The following SYT1 variants were observed in gnomAD, a reference collection of about 807,000 sequenced individuals.
SYT1 encodes the protein synaptotagmin-1.
Under a neutral mutation model 44.8 loss-of-function variants are expected in SYT1, and 8 were observed. The ratio of observed to expected loss-of-function variants is 0.18; its 90% CI spans 0.10 to 0.32. The LOEUF is 0.32. Ranked by LOEUF, SYT1 falls within the 10% of genes least tolerant of loss-of-function variation. The pLI, the probability that SYT1 is intolerant of heterozygous loss-of-function variation, is 1.00. For synonymous variants in SYT1, 154 were observed against 188.8 expected (o/e 0.82, Z 1.51); for missense variants, 286 against 509.3 (o/e 0.56, Z 4.22).
intron 1 of SYT1, among the ~76,000 whole-genome samples, chr12:78,913,791 T>C (rs944815586): frequency 6.6e-6 from 1 of 151,890 alleles, no homozygotes; most frequent in Non-Finnish European, 1.5e-5. Flanking sequence ...ACCAGTGATA[T>C]AGATGGTGAA....
chr12:79,343,506 A>G (rs540951223), intron 8 of SYT1, among the ~76,000 whole-genome samples: 32 of 152,304 alleles, frequency 2.1e-4, no homozygotes, highest in Non-Finnish European at 4.3e-4. Flanking sequence ...GAGAAAGTAC[A>G]TTGCCTGAGG....
intron 4 of SYT1, among the ~76,000 whole-genome samples, chr12:79,261,438 A>G (rs1877825440): frequency 6.6e-6 from 1 of 152,186 alleles, no homozygotes; most frequent in Admixed American, 6.5e-5. Context: ...ATACTGGATT[A>G]ACTTTAATCA....
chr12:79,160,725 G>T (rs909134028), intron 3 of SYT1, among the ~76,000 whole-genome samples: 1 of 152,136 alleles, frequency 6.6e-6, no homozygotes, highest in Non-Finnish European at 1.5e-5. Flanking sequence ...TATTTCTGGA[G>T]ATGGGGCAAA....
At chr12:79,152,527 G>A (rs904505723) in intron 3 of SYT1, among the ~76,000 whole-genome samples, 1 of 151,954 alleles carries the variant, frequency 6.6e-6, no homozygotes, top group African/African-American at 2.4e-5. Context: ...TATGAGAGAG[G>A]AATTATCTGT....
intron 3 of SYT1, among the ~76,000 whole-genome samples, chr12:79,160,202 C>G (rs1312921880): frequency 6.6e-6 from 1 of 151,932 alleles, no homozygotes; most frequent in Non-Finnish European, 1.5e-5. Context: ...TCTTTAAGAC[C>G]AAAAGGGCAA....
At chr12:79,083,175 C>T (rs1469901008) in intron 3 of SYT1, among the ~76,000 whole-genome samples, 7 of 151,898 alleles carry the variant, frequency 4.6e-5, no homozygotes, top group South Asian at 2.1e-4. Context: ...ATATATCAAA[C>T]GTTAAAGCTC....
At chr12:79,063,054 G>A (rs1236127897) in intron 3 of SYT1, among the ~76,000 whole-genome samples, 4 of 152,102 alleles carry the variant, frequency 2.6e-5, no homozygotes, top group Non-Finnish European at 2.9e-5. Context: ...TGCAGAGCAC[G>A]TCACGGTTTA....
intron 4 of SYT1, among the ~76,000 whole-genome samples, chr12:79,251,804 T>C (rs1877226686): frequency 6.6e-6 from 1 of 152,202 alleles, no homozygotes; most frequent in Non-Finnish European, 1.5e-5. Context: ...TTCTGTTTTA[T>C]GGAGGAAAAC....
intron 4 of SYT1, among the ~76,000 whole-genome samples, chr12:79,277,029 G>A (rs1878776667): frequency 6.6e-6 from 1 of 151,786 alleles, no homozygotes; most frequent in South Asian, 2.1e-4. Flanking sequence ...GAAGAAGAAG[G>A]AGAAGGGGAC....
intron 9 of SYT1, among the ~76,000 whole-genome samples, chr12:79,380,239 G>A (rs1884161240): frequency 6.6e-6 from 1 of 152,116 alleles, no homozygotes; most frequent in East Asian, 1.9e-4. Flanking sequence ...AATATTAACT[G>A]CAGAAACAAA....
At chr12:79,218,964 A>G (rs971865338) in intron 4 of SYT1, among the ~76,000 whole-genome samples, 6 of 152,144 alleles carry the variant, frequency 3.9e-5, no homozygotes, top group Admixed American at 3.9e-4. Context: ...GGTTGTAGTA[A>G]TTTACATTCC....
At chr12:78,976,865 C>G (rs537480903) in intron 1 of SYT1, among the ~76,000 whole-genome samples, 1 of 152,092 alleles carries the variant, frequency 6.6e-6, no homozygotes, top group Non-Finnish European at 1.5e-5. Flanking sequence ...CAGCTGATAA[C>G]GTGAATTCTG....
chr12:79,339,521 G>GC (rs1882262336), intron 8 of SYT1, among the ~76,000 whole-genome samples: 1 of 151,810 alleles, frequency 6.6e-6, no homozygotes, highest in Non-Finnish European at 1.5e-5. Context: ...GGGGTCGTTT[G>GC]ATTTTTCTTG....
At chr12:78,909,303 T>C (rs1480198253) in intron 1 of SYT1, among the ~76,000 whole-genome samples, 1 of 151,846 alleles carries the variant, frequency 6.6e-6, no homozygotes, top group Admixed American at 6.6e-5. Flanking sequence ...TCAGGGTGAG[T>C]TATTTCTAAA....
chr12:79,308,581 G>A (rs1159498055), intron 8 of SYT1, among the ~76,000 whole-genome samples: 187 of 120,030 alleles, frequency 1.6e-3, no homozygotes, highest in African/African-American at 5.7e-3. Flanking sequence ...AAGAAAAGAA[G>A]GAAAAGAAAG....
At chr12:79,301,541 A>G (rs1880152339) in intron 8 of SYT1, among the ~76,000 whole-genome samples, 1 of 152,128 alleles carries the variant, frequency 6.6e-6, no homozygotes, top group Non-Finnish European at 1.5e-5. Flanking sequence ...TACCGATGAA[A>G]TAGAATAGAA....
intron 4 of SYT1, among the ~76,000 whole-genome samples, chr12:79,245,933 A>G (rs1346055671): frequency 1.3e-5 from 2 of 152,114 alleles, no homozygotes; most frequent in African/African-American, 2.4e-5. Context: ...TGGCCTGAGC[A>G]GGGCATAATT....
At chr12:79,286,768 C>T (rs1297428059) in intron 5 of SYT1, among the ~76,000 whole-genome samples, 1 of 152,018 alleles carries the variant, frequency 6.6e-6, no homozygotes, top group African/African-American at 2.4e-5. Context: ...TTAAATGCCT[C>T]TTCATTTTTG....
chr12:78,910,426 C>T (rs1244348104), intron 1 of SYT1, among the ~76,000 whole-genome samples: 2 of 151,914 alleles, frequency 1.3e-5, no homozygotes, highest in Admixed American at 6.6e-5. Context: ...GACTCTAGGA[C>T]TCAAATAATA....
Sources: gnomAD v4.1 joint callset for allele counts (sites outside exome capture counted in the v4.1 genomes callset) on GRCh38, gnomAD v4.1.1 for gene constraint, MANE v1.5 for transcripts, NCBI Gene and HGNC (gene_info 2026-07-23, HGNC 2026-07-21) for gene names.